RNF149: variants seen among roughly 807,000 people sequenced by gnomAD.
RNF149 encodes ring finger protein 149, also known as E3 ubiquitin-protein ligase RNF149.
Under a neutral mutation model 39.0 loss-of-function variants are expected in RNF149, and 21 were observed. That is an observed-to-expected ratio of 0.54 (90% CI 0.38 to 0.77). The LOEUF is 0.77. Among genes scored for constraint, RNF149 ranks in the 30% least tolerant of loss-of-function variants. The pLI is 0.00. For synonymous variants in RNF149, 209 were observed against 213.6 expected (o/e 0.98, Z 0.19); for missense variants, 493 against 534.9 (o/e 0.92, Z 0.77).
At chr2:101,302,563 CTT>C (rs1683495045) in intron 1 of RNF149, among the ~76,000 whole-genome samples, 1 of 152,150 alleles carries the variant, frequency 6.6e-6, no homozygotes, top group African/African-American at 2.4e-5. Flanking sequence ...GTTAAGAACT[CTT>C]TTGCAATTTT....
intron 1 of RNF149, chr2:101,307,756 G>T: frequency 1.1e-6 from 1 of 940,372 alleles, no homozygotes; most frequent in Non-Finnish European, 1.3e-6. Context: ...TGGGGGAAGA[G>T]TTTGGATTCC....
chr2:101,308,084 C>A, intron 1 of RNF149, 45 bp downstream of exon 1: 1 of 1,589,584 alleles, frequency 6.3e-7, no homozygotes, highest in Non-Finnish European at 8.6e-7. Context: ...CCAGCCTCGG[C>A]TGCCGCGAAG....
chr2:101,283,684 C>T (rs905972691), intron 5 of RNF149, among the ~76,000 whole-genome samples: 16 of 152,152 alleles, frequency 1.1e-4, no homozygotes, highest in African/African-American at 3.6e-4. Context: ...ATAAATTAGG[C>T]ATTCTGGGGA....
rs550426047 is a variant in RNF149, at chr2:101,284,340, G to A, written c.960+1741C>T. Among the ~76,000 whole-genome samples the A allele has an allele frequency of 2.6e-5, 4 of 152,290 alleles. 1 individual carries two copies. In the East Asian group the frequency reaches 7.7e-4, roughly 29 times the overall value. ...CATGCCTGTAATCTCAGCACTTTGG[G>A]AGGCTGAGGCGGGTGGATCACTTGA... On this transcript the variant is annotated intron_variant, in intron 5 of 6. Coordinates refer to ENST00000295317, the MANE Select transcript of RNF149 (RefSeq NM_173647.4).
chr2:101,287,675 T>G (rs1469130354), intron 4 of RNF149, among the ~76,000 whole-genome samples: 2 of 152,220 alleles, frequency 1.3e-5, no homozygotes, highest in Non-Finnish European at 2.9e-5. Flanking sequence ...CCAACCCAAT[T>G]CATTCAGTAC....
At chr2:101,282,783 C>G (rs1682639606) in intron 5 of RNF149, among the ~76,000 whole-genome samples, 1 of 152,128 alleles carries the variant, frequency 6.6e-6, no homozygotes, top group African/African-American at 2.4e-5. Flanking sequence ...GGCTCAGCAT[C>G]TCACCATTGC....
Position 101,288,666 on chromosome 2 carries a change from A to C in RNF149, c.863+307T>G, listed in dbSNP as rs1462459452. 4.8e-5 allele frequency: 11 copies of C among 226,892 alleles called. No homozygotes were observed. The East Asian group carries it at 1.4e-3, about 29-fold the overall frequency. 14.1% of individuals were successfully genotyped at this position (226,892 alleles called of 1,614,324 possible). On this transcript the variant is annotated intron_variant, in intron 4 of 6. Transcript: ENST00000295317. The stretch of plus-strand genomic sequence containing the variant: ...ATTTTCCTTGCTCCCAACACAGCTT[A>C]CTTTTTGCACTGCTAAATGTATAAT...
At chr2:101,289,658 T>G (rs1682934287) in intron 3 of RNF149, among the ~76,000 whole-genome samples, 1 of 144,000 alleles carries the variant, frequency 6.9e-6, no homozygotes. Context: ...TGAGCCAAGA[T>G]GGCACCACTG....
Position 101,277,020 on chromosome 2 carries a change from G to T in RNF149, c.*218C>A. On this transcript the variant is annotated 3_prime_UTR_variant, in exon 7 of 7. Transcript: ENST00000295317. ...AGTCTGAAGCAACACACTGTTCATG[G>T]TAAACACTCTATTTTAGTAGATAAA... 1 of 1,300,984 alleles carries T rather than the reference G, an allele frequency of 7.7e-7. No homozygotes were observed. Among genetic ancestry groups the T allele is most frequent in the Non-Finnish European group, 9.8e-7 (1 of 1,015,534 alleles). The allele number at this position is 1,300,984 out of a possible 1,614,324, so 80.6% of individuals were successfully genotyped here.
At chr2:101,303,913 T>G (rs1269204309) in intron 1 of RNF149, among the ~76,000 whole-genome samples, 1 of 152,216 alleles carries the variant, frequency 6.6e-6, no homozygotes, top group Non-Finnish European at 1.5e-5. Flanking sequence ...AAATAACTGT[T>G]AAAAAATGAA....
chr2:101,294,759 A>G, intron 2 of RNF149, 172 bp downstream of exon 2: 1 of 619,836 alleles, frequency 1.6e-6, no homozygotes, highest in Non-Finnish European at 2.7e-6. Flanking sequence ...CCCACAAAAC[A>G]AAAAATTTAA....
At position 101,276,812 on chromosome 2, in the gene RNF149, C is replaced by A; in HGVS notation, c.*426G>T. The A allele has an allele frequency of 1.0e-6, 1 of 988,940 alleles. No individual in the cohort carries two copies. The highest frequency in any genetic ancestry group is 1.2e-6 in the Non-Finnish European group (1 of 831,682). 61.3% of individuals were successfully genotyped at this position (988,940 alleles called of 1,614,324 possible). Reference sequence around the variant, plus strand: ...AAAAAAACCTTTCCTCCAGGGAAAGCCCATGAGATCAATTATCGAATTGAA... The same window carrying A: ...AAAAAAACCTTTCCTCCAGGGAAAGACCATGAGATCAATTATCGAATTGAA... On this transcript the variant is annotated 3_prime_UTR_variant, in exon 7 of 7. Transcript: ENST00000295317.
At chr2:101,272,971 T>C (rs749156625), downstream of RNF149, 2 of 1,352,332 alleles carry the variant, frequency 1.5e-6, no homozygotes, top group South Asian at 1.1e-5. Context: ...TCAGGATATT[T>C]TGTCATCGTG....
chr2:101,272,696 C>T, downstream of RNF149: 2 of 342,558 alleles, frequency 5.8e-6, no homozygotes, highest in Non-Finnish European at 1.2e-5. Flanking sequence ...CTTAGTAATA[C>T]ATATATACTG....
At chr2:101,275,242 T>C (rs1450688641), downstream of RNF149, among the ~76,000 whole-genome samples, 2 of 139,092 alleles carry the variant, frequency 1.4e-5, no homozygotes, top group Non-Finnish European at 3.1e-5. Context: ...CTCAGCCTCC[T>C]GAGTAGCTGG....
downstream of RNF149, chr2:101,271,255 T>G (rs537599442): frequency 6.6e-6 from 1 of 152,352 alleles, no homozygotes; most frequent in African/African-American, 2.4e-5. Flanking sequence ...TTTAAATAGC[T>G]TACAAGGAAT....
In RNF149 at chr2:101,308,578, C is replaced by T. The variant is rs1220505155; in HGVS notation, c.11G>A (p.Arg4Gln). The change falls in exon 1 of 7, where the codon CGG becomes CAG. Residue 4 changes from arginine to glutamine, a missense_variant. Coordinates refer to ENST00000295317, the MANE Select transcript of RNF149 (RefSeq NM_173647.4). MAW[R>Q]RREASVGARG... ...AGCCCCGACGCTGGCTTCGCGCCGC[C>T]GCCACGCCATGGCAGCACCGCTGAG... 3 of 1,556,520 alleles carry T rather than the reference C, an allele frequency of 1.9e-6. No individual in the cohort carries two copies. Among genetic ancestry groups the T allele is most frequent in the South Asian group, 1.2e-5 (1 of 84,314 alleles).
chr2:101,288,784 TCTC>T (rs1450423928), intron 4 of RNF149, 186 bp downstream of exon 4: 1 of 512,372 alleles, frequency 2.0e-6, no homozygotes, highest in East Asian at 3.5e-5. Context: ...CACCTAAGAA[TCTC>T]CTAGGCAAAG....
intron 5 of RNF149, among the ~76,000 whole-genome samples, chr2:101,284,618 G>A (rs912397339): frequency 4.6e-5 from 7 of 152,090 alleles, no homozygotes; most frequent in Non-Finnish European, 1.0e-4. Flanking sequence ...GAGAATGACA[G>A]TAGTTGTTAA....
Sources: allele counts gnomAD v4.1 joint callset (sites outside exome capture counted in the v4.1 genomes callset), GRCh38; gene constraint gnomAD v4.1.1; transcripts MANE v1.5; gene names NCBI Gene and HGNC (gene_info 2026-07-23, HGNC 2026-07-21).